Variants in CYP4F11 observed in about 807,000 individuals in gnomAD.
CYP4F11 encodes the protein cytochrome P450 4F11.
CYP4F11 carries 79 observed loss-of-function variants against 62.2 expected under a neutral mutation model. The ratio of observed to expected loss-of-function variants is 1.27; its 90% CI spans 1.06 to 1.53. CYP4F11 has a LOEUF of 1.53. CYP4F11 is among the 40% of genes most tolerant of loss of function. The probability of loss-of-function intolerance (pLI) is 0.00; values close to 1 mark genes in which losing one functional copy is unlikely to be tolerated. For synonymous variants in CYP4F11, 290 were observed against 263.7 expected, an observed-to-expected ratio of 1.10 and a Z score of -0.97; for missense variants, 777 against 680.5, an observed-to-expected ratio of 1.14 and a Z score of -1.58.
chr19:15,923,493 T>C (rs1414310945), intron 6 of CYP4F11, among the ~76,000 whole-genome samples: 6 of 152,202 alleles, frequency 3.9e-5, no homozygotes, highest in African/African-American at 1.4e-4. Flanking sequence ...CTGTGAATGA[T>C]GAATAGGCTG....
rs146897508 is a variant in CYP4F11, at chr19:15,913,899, C to T, written c.1408G>A (p.Gly470Arg). The T allele has an allele frequency of 9.3e-4, 1,493 of 1,612,362 alleles. 1 individual carries two copies. Among genetic ancestry groups the T allele is most frequent in the East Asian group, 8.1e-3 (364 of 44,850 alleles). The change falls in exon 12 of 12, where the codon GGG becomes AGG. Residue 470 changes from glycine to arginine, a missense_variant. Physicochemically the swap from Gly to Arg is moderately radical, Grantham distance 125. Transcript: ENST00000402119. ...PFSAGPRNCIGQAFAMAEMKV... is the reference protein window; with the variant it reads ...PFSAGPRNCIRQAFAMAEMKV... Reference sequence around the variant, plus strand: ...ATCTCAGCCATGGCGAACGCCTGCCCGATGCAGTTTCTGGGGGCAAAAGTG... The same window carrying T: ...ATCTCAGCCATGGCGAACGCCTGCCTGATGCAGTTTCTGGGGGCAAAAGTG...
At position 15,914,905 on chromosome 19, in the gene CYP4F11, C is replaced by T. The variant is rs375164936; in HGVS notation, c.1116-10G>A. The T allele has an allele frequency of 3.1e-6, 5 of 1,613,258 alleles. No individual in the cohort carries two copies. Among genetic ancestry groups the T allele is most frequent in the Non-Finnish European group, 4.2e-6 (5 of 1,179,768 alleles). On this transcript the variant is annotated splice_polypyrimidine_tract_variant and intron_variant, in intron 8 of 11. Transcript: ENST00000402119. ...CTGGGCCAGGTCGTCCCTAAGAAAA[C>T]ACCCCAGCCCCAATCATTATCAAGG...
intron 5 of CYP4F11, among the ~76,000 whole-genome samples, chr19:15,924,470 C>G (rs572925147): frequency 2.6e-5 from 4 of 152,344 alleles, no homozygotes; most frequent in African/African-American, 9.6e-5. Flanking sequence ...CAGAGCTCAG[C>G]TGTGACCACA....
intron 2 of CYP4F11, 170 bp from the exon 3 acceptor site, chr19:15,927,653 C>T: frequency 1.2e-6 from 1 of 809,302 alleles, no homozygotes; most frequent in East Asian, 2.5e-5. Context: ...AAGGAGAGAC[C>T]AGACCAGGCT....
chr19:15,923,885 C>A lies in CYP4F11; in HGVS notation c.845G>T (p.Gly282Val), dbSNP rs1599376121. Residue 282 changes from glycine (G) to valine (V), a missense_variant, in exon 6 of 12, where the codon GGT becomes GTT. Physicochemically the swap from Gly to Val is moderately radical, Grantham distance 109. Coordinates refer to ENST00000402119, the MANE Select transcript of CYP4F11 (RefSeq NM_021187.4). ...CTTGTTCTTGAGGAAATCATCAATA[C>A]CCTGAGTGGGGAGGGTGCAGCGCCG... ...QERRCTLPTQ[G>V]IDDFLKNKAK... is the part of the protein sequence containing the mutation. 2 of 1,614,154 alleles carry A rather than the reference C, an allele frequency of 1.2e-6. No individual in the cohort carries two copies. The highest frequency in any genetic ancestry group is 4.5e-5 in the East Asian group (2 of 44,874).
intron 2 of CYP4F11, among the ~76,000 whole-genome samples, chr19:15,928,442 A>G (rs894573894): frequency 1.3e-5 from 2 of 152,234 alleles, no homozygotes; most frequent in Admixed American, 6.5e-5. Flanking sequence ...AGGCAAAGTG[A>G]CACAGAGAAT....
intron 1 of CYP4F11, among the ~76,000 whole-genome samples, chr19:15,931,525 C>CAGAGGAATGAGTGAGCGAGA (rs2089716297): frequency 7.2e-6 from 1 of 138,008 alleles, no homozygotes; most frequent in South Asian, 2.4e-4. Flanking sequence ...GATGGCACAT[C>CAGAGGAATGAGTGAGCGAGA]AGAGGAATGA....
intron 8 of CYP4F11, among the ~76,000 whole-genome samples, chr19:15,920,172 C>G (rs778175724): frequency 6.6e-6 from 1 of 151,936 alleles, no homozygotes; most frequent in Non-Finnish European, 1.5e-5. Flanking sequence ...TCACAGTGTA[C>G]CCCATAAATA....
In CYP4F11 at chr19:15,913,912, G is replaced by A. The variant is rs1379945716; in HGVS notation, c.1398-3C>T. On this transcript the variant is annotated splice_polypyrimidine_tract_variant and splice_region_variant and intron_variant, in intron 11 of 11. Transcript: ENST00000402119. ...CGAACGCCTGCCCGATGCAGTTTCT[G>A]GGGGCAAAAGTGAGGGAATCTGACT... 1 of 1,608,830 alleles carries A rather than the reference G, an allele frequency of 6.2e-7. No homozygotes were observed. The highest frequency in any genetic ancestry group is 1.7e-5 in the Admixed American group (1 of 59,764).
rs575165098 is a variant in CYP4F11 at position 15,913,479 on chromosome 19, C to T, written c.*253G>A. 9.6e-6 allele frequency: 5 copies of T among 518,644 alleles called. No individual in the cohort carries two copies. The highest frequency in any genetic ancestry group is 9.6e-5 in the African/African-American group (5 of 52,066). The allele number at this position is 518,644 out of a possible 1,614,324, so 32.1% of individuals were successfully genotyped here. On this transcript the variant is annotated 3_prime_UTR_variant, in exon 12 of 12. Coordinates refer to ENST00000402119, the MANE Select transcript of CYP4F11 (RefSeq NM_021187.4). ...CTCAAACACCTCCCAGGGCTCCCTA[C>T]TGCCCACAGGATAAAGTTTTTACTT...
rs1349222428 is a variant in CYP4F11 at position 15,912,906 on chromosome 19, G to T, written c.*826C>A. The T allele has an allele frequency of 6.6e-6, 1 of 150,688 alleles. No individual in the cohort carries two copies. Among genetic ancestry groups the T allele is most frequent in the African/African-American group, 2.5e-5 (1 of 40,706 alleles). The allele number at this position is 150,688 out of a possible 1,614,324, so 9.3% of individuals were successfully genotyped here. A position where few individuals can be genotyped will look rare whatever the true frequency, so the allele number is the denominator to read the frequency against. On this transcript the variant is annotated 3_prime_UTR_variant, in exon 12 of 12. Coordinates refer to ENST00000402119, the MANE Select transcript of CYP4F11 (RefSeq NM_021187.4). The stretch of plus-strand genomic sequence containing the variant: ...GTTCCAAAACACAGCCTTTAAAGTC[G>T]TGGTAGAAATAACGATCTTGAAAGA...
At chr19:15,931,090 G>GGAATGAGT (rs1568256939) in intron 1 of CYP4F11, among the ~76,000 whole-genome samples, 2 of 150,208 alleles carry the variant, frequency 1.3e-5, no homozygotes, top group African/African-American at 5.1e-5. Flanking sequence ...AAAAGAGAAG[G>GGAATGAGT]GAGTGGCCAA....
chr19:15,919,470 G>A (rs374136890), intron 8 of CYP4F11, among the ~76,000 whole-genome samples: 2 of 109,152 alleles, frequency 1.8e-5, no homozygotes, highest in Non-Finnish European at 3.9e-5. Flanking sequence ...ATGGACAGAT[G>A]TATAGATAGA....
At position 15,929,538 on chromosome 19, in the gene CYP4F11, A is replaced by G; in HGVS notation, c.262T>C (p.Phe88Leu). ...AAGGTAGGACCCAGCCACAACTTAA[A>G]GCCCTGGGGATATGTGGTCACCAGC... ...TQLVTTYPQG[F>L]KLWLGPTFPL... The change falls in exon 2 of 12, where the codon TTT (phenylalanine) becomes CTT (leucine). Residue 88 changes from phenylalanine to leucine, a missense_variant. Coordinates refer to ENST00000402119, the MANE Select transcript of CYP4F11 (RefSeq NM_021187.4). 1.2e-6 allele frequency: 2 copies of G among 1,614,056 alleles called. No homozygotes were observed. The highest frequency in any genetic ancestry group is 1.7e-6 in the Non-Finnish European group (2 of 1,179,964).
chr19:15,914,348 C>A lies in CYP4F11; in HGVS notation c.1354G>T (p.Glu452Ter). 1 of 1,614,132 alleles carries A rather than the reference C, an allele frequency of 6.2e-7. No individual in the cohort carries two copies. Among genetic ancestry groups the A allele is most frequent in the Non-Finnish European group, 8.5e-7 (1 of 1,180,006 alleles). Reference protein sequence around the residue: ...PFRFDQENIKERSPLAFIPFS... With the variant: ...PFRFDQENIK ...GGAATAAAAGCCAGAGGTGACCTCTCCTTGATGTTCTCTTGGTCGAAACGG... is the reference window on the plus strand; with the variant it reads ...GGAATAAAAGCCAGAGGTGACCTCTACTTGATGTTCTCTTGGTCGAAACGG... Residue 452 changes from glutamate (E) to a stop codon, truncating the protein, a stop_gained, in exon 11 of 12, where the codon GAG becomes TAG. Coordinates refer to ENST00000402119, the MANE Select transcript of CYP4F11 (RefSeq NM_021187.4). LOFTEE classifies it high-confidence loss of function.
chr19:15,913,952 C>T (rs367902206), intron 11 of CYP4F11, 43 bp from the exon 12 acceptor site: 139 of 1,578,546 alleles, frequency 8.8e-5, no homozygotes, highest in Middle Eastern at 2.1e-4. Context: ...CCATGACCCC[C>T]ATCCCGGCCC....
chr19:15,931,543 G>GGGAGAGGAATGAGTGAGCGA (rs2089718031), intron 1 of CYP4F11, among the ~76,000 whole-genome samples: 1 of 68,762 alleles, frequency 1.5e-5, no homozygotes, highest in Non-Finnish European at 3.1e-5. Context: ...TGAGTGAGCG[G>GGGAGAGGAATGAGTGAGCGA]GGAGAGGAAT....
intron 1 of CYP4F11, among the ~76,000 whole-genome samples, chr19:15,930,223 G>A (rs995138892): frequency 6.6e-6 from 1 of 152,116 alleles, no homozygotes; most frequent in Non-Finnish European, 1.5e-5. Context: ...CCTGAGCATC[G>A]TGTCTGGATT....
chr19:15,915,455 T>C (rs978520862), intron 8 of CYP4F11, among the ~76,000 whole-genome samples: 2 of 152,190 alleles, frequency 1.3e-5, no homozygotes, highest in East Asian at 1.9e-4. Context: ...TCTGTGGCTG[T>C]TTAAAATTTT....
Sources: allele counts gnomAD v4.1 joint callset (sites outside exome capture counted in the v4.1 genomes callset), GRCh38; gene constraint gnomAD v4.1.1; transcripts MANE v1.5; gene names NCBI Gene and HGNC (gene_info 2026-07-23, HGNC 2026-07-21).